Variants in DCLK2 observed in about 807,000 individuals in gnomAD.
DCLK2 encodes doublecortin like kinase 2, also known as serine/threonine-protein kinase DCLK2.
A neutral mutation model predicts 78.4 loss-of-function variants in DCLK2; 31 were observed. That is an observed-to-expected ratio of 0.40 (90% CI 0.30 to 0.53). The LOEUF (loss-of-function observed/expected upper bound fraction) is 0.53, where lower values mean the gene tolerates loss of function less well. Among genes scored for constraint, DCLK2 ranks in the 20% least tolerant of loss-of-function variants. The probability of loss-of-function intolerance (pLI) is 0.61; values close to 1 mark genes in which losing one functional copy is unlikely to be tolerated. For synonymous variants in DCLK2, 407 were observed against 374.9 expected, an observed-to-expected ratio of 1.09 and a Z score of -0.99; for missense variants, 872 against 973.7, an observed-to-expected ratio of 0.90 and a Z score of 1.39.
At chr4:150,195,078 G>A (rs374664291) in intron 3 of DCLK2, among the ~76,000 whole-genome samples, 22 of 138,868 alleles carry the variant, frequency 1.6e-4, no homozygotes, top group East Asian at 4.1e-4. Context: ...GTCCTGTTAC[G>A]TTATCTGTGC....
At chr4:150,175,116 ATTT>A (rs1348245109) in intron 2 of DCLK2, among the ~76,000 whole-genome samples, 1 of 91,536 alleles carries the variant, frequency 1.1e-5, no homozygotes, top group African/African-American at 6.5e-5. Flanking sequence ...ATATATTTAT[ATTT>A]TTTATATATA....
intron 8 of DCLK2, among the ~76,000 whole-genome samples, chr4:150,225,079 G>A (rs1042972406): frequency 6.6e-6 from 1 of 152,180 alleles, no homozygotes; most frequent in Non-Finnish European, 1.5e-5. Flanking sequence ...TCATAGCTGG[G>A]GAACTCTGAG....
intron 2 of DCLK2, among the ~76,000 whole-genome samples, chr4:150,134,736 A>G (rs1402529038): frequency 2.0e-5 from 3 of 152,130 alleles, no homozygotes; most frequent in Non-Finnish European, 4.4e-5. Context: ...GTAAAAATCC[A>G]TCCTGTTTTC....
In DCLK2 at chr4:150,256,430, C is replaced by A; in HGVS notation, c.*183C>A. On this transcript the variant is annotated 3_prime_UTR_variant, in exon 16 of 16. Transcript: ENST00000296550. Reference sequence around the variant, plus strand: ...CCGGAGCCTGGCCTGGTGCTCTGGGCTCTGCCTTCTGGTTCCTGGAGGCAT... The same window carrying A: ...CCGGAGCCTGGCCTGGTGCTCTGGGATCTGCCTTCTGGTTCCTGGAGGCAT... 1.3e-6 allele frequency: 1 copy of A among 771,508 alleles called. No individual in the cohort carries two copies. The highest frequency in any genetic ancestry group is 2.0e-6 in the Non-Finnish European group (1 of 507,134). The allele number at this position is 771,508 out of a possible 1,614,324, so 47.8% of individuals were successfully genotyped here.
At chr4:150,159,837 T>C (rs898435547) in intron 2 of DCLK2, among the ~76,000 whole-genome samples, 2 of 152,186 alleles carry the variant, frequency 1.3e-5, no homozygotes, top group East Asian at 3.8e-4. Flanking sequence ...CGTTTTCATA[T>C]GTTCCGCTTT....
Position 150,256,004 on chromosome 4 carries a change from G to A in DCLK2, c.2074-16G>A, listed in dbSNP as rs748239321. 5 of 1,611,650 alleles carry A rather than the reference G, an allele frequency of 3.1e-6. No individual in the cohort carries two copies. In the South Asian group the frequency reaches 5.5e-5, roughly 18 times the overall value. ...TGGGCCCGGGTAATGTGTTGTCTCT[G>A]CTGTTTCCTCCTCAGAACACGGCTC... On this transcript the variant is annotated splice_polypyrimidine_tract_variant and intron_variant, in intron 15 of 15. Coordinates refer to ENST00000296550, the MANE Select transcript of DCLK2 (RefSeq NM_001040260.4).
At chr4:150,181,464 A>G (rs1242096428) in intron 2 of DCLK2, among the ~76,000 whole-genome samples, 1 of 152,212 alleles carries the variant, frequency 6.6e-6, no homozygotes, top group Non-Finnish European at 1.5e-5. Context: ...TAGAAGCTCA[A>G]TATCTCTGAA....
chr4:150,178,545 CTTA>C (rs768138555), intron 2 of DCLK2, among the ~76,000 whole-genome samples: 1 of 150,212 alleles, frequency 6.7e-6, no homozygotes, highest in Non-Finnish European at 1.5e-5. Context: ...AAAAAAAAAT[CTTA>C]TTGCTTTTCT....
chr4:150,160,238 C>T (rs1735608579), intron 2 of DCLK2, among the ~76,000 whole-genome samples: 1 of 152,050 alleles, frequency 6.6e-6, no homozygotes, highest in Non-Finnish European at 1.5e-5. Flanking sequence ...GGCTGGTCTC[C>T]AACTCCTGAG....
rs578022642 is a variant in DCLK2, at chr4:150,137,483, G to T, written c.756+34671G>T. On this transcript the variant is annotated intron_variant, in intron 2 of 15. Coordinates refer to ENST00000296550, the MANE Select transcript of DCLK2 (RefSeq NM_001040260.4). ...ATCCCTACAAAGGACATGTATACAGGGAGGGGTGAAGAACAGGGGACAGTG... is the reference window on the plus strand; with the variant it reads ...ATCCCTACAAAGGACATGTATACAGTGAGGGGTGAAGAACAGGGGACAGTG... Among the ~76,000 whole-genome samples, 6 of 151,800 alleles carry T rather than the reference G, an allele frequency of 4.0e-5. No individual in the cohort carries two copies. In the South Asian group the frequency reaches 1.0e-3, roughly 27 times the overall value.
At chr4:150,220,405 C>A (rs973239984) in intron 5 of DCLK2, among the ~76,000 whole-genome samples, 1 of 152,186 alleles carries the variant, frequency 6.6e-6, no homozygotes, top group African/African-American at 2.4e-5. Flanking sequence ...TAATAACTAT[C>A]TTATCCAGCT....
At chr4:150,118,099 A>G (rs1284276366) in intron 2 of DCLK2, among the ~76,000 whole-genome samples, 1 of 152,014 alleles carries the variant, frequency 6.6e-6, no homozygotes, top group Non-Finnish European at 1.5e-5. Flanking sequence ...TCTGGACCCT[A>G]CACTCTTCCT....
At chr4:150,195,811 G>A (rs1393588940) in intron 3 of DCLK2, among the ~76,000 whole-genome samples, 4 of 151,620 alleles carry the variant, frequency 2.6e-5, no homozygotes, top group African/African-American at 7.3e-5. Context: ...TCTTGATCTC[G>A]AGTTACTTAA....
intron 12 of DCLK2, among the ~76,000 whole-genome samples, chr4:150,243,725 C>CT (rs367653353): frequency 1.2e-3 from 181 of 148,444 alleles, no homozygotes; most frequent in African/African-American, 3.3e-3. Context: ...TCTTTCTAGT[C>CT]TTTTTTTTTT....
At chr4:150,253,094 C>T (rs1332466640) in intron 15 of DCLK2, among the ~76,000 whole-genome samples, 1 of 141,674 alleles carries the variant, frequency 7.1e-6, no homozygotes, top group Non-Finnish European at 1.6e-5. Context: ...CCTCATCCTC[C>T]TCGTCCTCCT....
At chr4:150,172,620 A>G (rs573411965) in intron 2 of DCLK2, among the ~76,000 whole-genome samples, 1 of 151,450 alleles carries the variant, frequency 6.6e-6, no homozygotes, top group South Asian at 2.1e-4. Flanking sequence ...AAAAAAAAAA[A>G]AAAAAAAAAG....
At chr4:150,213,354 C>G (rs1439072626) in intron 5 of DCLK2, among the ~76,000 whole-genome samples, 1 of 152,226 alleles carries the variant, frequency 6.6e-6, no homozygotes, top group African/African-American at 2.4e-5. Flanking sequence ...AAGCATGCAG[C>G]CTGTGTTACC....
At chr4:150,240,567 T>G in intron 12 of DCLK2, 91 bp downstream of exon 12, 1 of 1,086,130 alleles carries the variant, frequency 9.2e-7, no homozygotes, top group Non-Finnish European at 1.3e-6. Flanking sequence ...TCGGGACTGT[T>G]TGGTCATTAA....
chr4:150,160,980 C>A (rs1257087182), intron 2 of DCLK2, among the ~76,000 whole-genome samples: 2 of 151,998 alleles, frequency 1.3e-5, no homozygotes, highest in African/African-American at 2.4e-5. Context: ...TATAATCTGT[C>A]CCTGTAACTT....
Sources: gnomAD v4.1 joint callset for allele counts (sites outside exome capture counted in the v4.1 genomes callset) on GRCh38, gnomAD v4.1.1 for gene constraint, MANE v1.5 for transcripts, NCBI Gene and HGNC (gene_info 2026-07-23, HGNC 2026-07-21) for gene names.